KLHL29: variants seen among roughly 807,000 people sequenced by gnomAD.
KLHL29 encodes the protein kelch like family member 29, also known as kelch-like protein 29.
A neutral mutation model predicts 80.4 loss-of-function variants in KLHL29; 21 were observed. The ratio of observed to expected loss-of-function variants is 0.26; its 90% confidence interval spans 0.19 to 0.38. The LOEUF (loss-of-function observed/expected upper bound fraction) is 0.38. Ranked by LOEUF, KLHL29 falls within the 10% of genes least tolerant of loss-of-function variation. The pLI, the probability that KLHL29 is intolerant of heterozygous loss-of-function variation, is 1.00. For missense variants in KLHL29, 867 were observed against 1,223.9 expected (o/e 0.71, Z 4.35); for synonymous variants, 511 against 526.8 (o/e 0.97, Z 0.41).
chr2:23,539,302 A>G (rs1172617413), intron 2 of KLHL29, among the ~76,000 whole-genome samples: 1 of 152,154 alleles, frequency 6.6e-6, no homozygotes. Flanking sequence ...AAAATGTTTT[A>G]TTCTTGTTTA....
At chr2:23,519,447 T>A (rs913870627) in intron 2 of KLHL29, among the ~76,000 whole-genome samples, 27 of 152,062 alleles carry the variant, frequency 1.8e-4, no homozygotes, top group African/African-American at 6.3e-4. Context: ...TCTAGACAGC[T>A]GCTGCCACAC....
chr2:23,657,791 G>A (rs986949295), intron 5 of KLHL29, among the ~76,000 whole-genome samples: 12 of 152,174 alleles, frequency 7.9e-5, no homozygotes, highest in African/African-American at 7.2e-5. Context: ...GACCGGCCTC[G>A]CCTAAGAAGG....
chr2:23,624,056 G>A (rs1270342239), intron 3 of KLHL29, among the ~76,000 whole-genome samples: 1 of 152,192 alleles, frequency 6.6e-6, no homozygotes, highest in South Asian at 2.1e-4. Context: ...TTACTTGGAG[G>A]TATTTATAGA....
At chr2:23,544,953 T>C (rs889843344) in intron 2 of KLHL29, among the ~76,000 whole-genome samples, 2 of 152,136 alleles carry the variant, frequency 1.3e-5, no homozygotes, top group Non-Finnish European at 1.5e-5. Flanking sequence ...TTGCAGGGAC[T>C]TGGGAGAGAT....
intron 5 of KLHL29, among the ~76,000 whole-genome samples, chr2:23,657,160 C>T (rs889359633): frequency 2.0e-5 from 3 of 152,154 alleles, no homozygotes; most frequent in Admixed American, 2.0e-4. Flanking sequence ...CCTGCCAGCT[C>T]TTCCTGGGCC....
chr2:23,532,236 G>A (rs867920382), intron 2 of KLHL29, among the ~76,000 whole-genome samples: 3 of 152,222 alleles, frequency 2.0e-5, no homozygotes, highest in Non-Finnish European at 2.9e-5. Context: ...ACATGATGCT[G>A]TGCTCAGACA....
chr2:23,649,374 C>A (rs889865), intron 5 of KLHL29, among the ~76,000 whole-genome samples: 52,404 of 152,170 alleles, frequency 0.34, 10,739 homozygotes, highest in East Asian at 0.47. Flanking sequence ...CCTCCCCTCG[C>A]AGGGCTCTGT....
intron 1 of KLHL29, among the ~76,000 whole-genome samples, chr2:23,396,620 A>G (rs1188588498): frequency 6.6e-6 from 1 of 152,128 alleles, no homozygotes; most frequent in Non-Finnish European, 1.5e-5. Context: ...TCTAGAGGAG[A>G]GCCTGCTGTA....
chr2:23,478,694 G>A (rs868081033), intron 2 of KLHL29, among the ~76,000 whole-genome samples: 1 of 152,138 alleles, frequency 6.6e-6, no homozygotes, highest in Non-Finnish European at 1.5e-5. Context: ...GTGAAGGGCA[G>A]TGCTGATCGT....
chr2:23,560,529 A>C (rs1191411656), intron 2 of KLHL29, among the ~76,000 whole-genome samples: 1 of 152,168 alleles, frequency 6.6e-6, no homozygotes, highest in Non-Finnish European at 1.5e-5. Flanking sequence ...TTGGCCTCCC[A>C]AAGTGCTAGG....
intron 1 of KLHL29, among the ~76,000 whole-genome samples, chr2:23,410,717 C>T (rs1011491970): frequency 6.6e-6 from 1 of 152,086 alleles, no homozygotes; most frequent in Non-Finnish European, 1.5e-5. Context: ...GACAGTACTT[C>T]CCAGGTGTGG....
Position 23,497,293 on chromosome 2 carries a change from C to T in KLHL29, c.-46+21626C>T, listed in dbSNP as rs556441375. 8.5e-5 allele frequency among the ~76,000 whole-genome samples: 13 copies of T among 152,242 alleles called. No individual in the cohort carries two copies. In the South Asian group the frequency reaches 2.7e-3, roughly 32 times the overall value. On this transcript the variant is annotated intron_variant, in intron 2 of 13. Coordinates refer to ENST00000486442, the MANE Select transcript of KLHL29 (RefSeq NM_052920.2). Reference sequence around the variant, plus strand: ...CAATCTCTCTGTGGTTTTGTGGCTGCCCATGTGGTTCTCTTTCCTTCCTCT... The same window carrying T: ...CAATCTCTCTGTGGTTTTGTGGCTGTCCATGTGGTTCTCTTTCCTTCCTCT...
chr2:23,537,030 G>C (rs980082518), intron 2 of KLHL29, among the ~76,000 whole-genome samples: 1 of 151,916 alleles, frequency 6.6e-6, no homozygotes, highest in African/African-American at 2.4e-5. Context: ...TGTCCGTTAC[G>C]TCCCTGTTCT....
intron 3 of KLHL29, among the ~76,000 whole-genome samples, chr2:23,628,159 A>G (rs1398737470): frequency 6.6e-6 from 1 of 151,954 alleles, no homozygotes; most frequent in Non-Finnish European, 1.5e-5. Flanking sequence ...ATCCACCCGC[A>G]TTGGCCTCCC....
chr2:23,692,118 A>G (rs11690531), intron 7 of KLHL29, among the ~76,000 whole-genome samples: 1,634 of 152,328 alleles, frequency 0.011, 14 homozygotes, highest in Middle Eastern at 0.031. Flanking sequence ...GGAGAGGCAT[A>G]CTGTGCCCCG....
chr2:23,423,718 G>T (rs540066238), intron 1 of KLHL29, among the ~76,000 whole-genome samples: 3 of 152,108 alleles, frequency 2.0e-5, no homozygotes, highest in Admixed American at 6.5e-5. Context: ...GTGGGATCTC[G>T]CTGGTCCTCC....
intron 2 of KLHL29, among the ~76,000 whole-genome samples, chr2:23,552,638 C>G (rs994674767): frequency 6.6e-6 from 1 of 152,102 alleles, no homozygotes; most frequent in African/African-American, 2.4e-5. Context: ...AAAGCAGGCT[C>G]CCTGTCTTCT....
chr2:23,683,338 C>T (rs1204169167), intron 5 of KLHL29, among the ~76,000 whole-genome samples: 1 of 152,256 alleles, frequency 6.6e-6, no homozygotes, highest in Non-Finnish European at 1.5e-5. Flanking sequence ...ATCAGGGCCT[C>T]TGACGCGCAG....
intron 2 of KLHL29, among the ~76,000 whole-genome samples, chr2:23,540,094 C>T (rs1666788427): frequency 6.6e-6 from 1 of 152,178 alleles, no homozygotes; most frequent in African/African-American, 2.4e-5. Flanking sequence ...ATGTTAGACC[C>T]TCCTCAGTCC....
Sources: gnomAD v4.1 joint callset for allele counts (sites outside exome capture counted in the v4.1 genomes callset) on GRCh38, gnomAD v4.1.1 for gene constraint, MANE v1.5 for transcripts, NCBI Gene and HGNC (gene_info 2026-07-23, HGNC 2026-07-21) for gene names.